XKR6: variants seen among roughly 807,000 people sequenced by gnomAD.
The protein encoded by XKR6 is XK related 6.
Under a neutral mutation model 56.7 loss-of-function variants are expected in XKR6, and 22 were observed. The observed-to-expected ratio is 0.39, with a 90% CI of 0.28 to 0.55. XKR6 has a LOEUF of 0.55. XKR6 is among the 20% of genes least tolerant of loss of function. XKR6 has a pLI of 0.66. For missense variants in XKR6, 852 were observed against 889.0 expected (o/e 0.96, Z 0.53); for synonymous variants, 524 against 387.8 (o/e 1.35, Z -4.13).
At chr8:10,915,532 A>G (rs1800536771) in intron 2 of XKR6, among the ~76,000 whole-genome samples, 1 of 151,998 alleles carries the variant, frequency 6.6e-6, no homozygotes, top group East Asian at 1.9e-4. Flanking sequence ...CTGCTTTAAG[A>G]ACCCTCCCTC....
rs531048092 is a variant in XKR6 at position 10,990,941 on chromosome 8, C to T, written c.765-66111G>A. Among the ~76,000 whole-genome samples the T allele has an allele frequency of 9.9e-4, 121 of 122,074 alleles. 1 individual carries two copies. Among genetic ancestry groups the T allele is most frequent in the African/African-American group, 3.9e-3 (117 of 29,834 alleles). The allele number at this position is 122,074 out of a possible 152,430, so 80.1% of individuals were successfully genotyped here. On this transcript the variant is annotated intron_variant, in intron 1 of 2. Coordinates refer to ENST00000416569, the MANE Select transcript of XKR6 (RefSeq NM_173683.4). ...TTTTCGAGACAGAGTCTCACTTGGT[C>T]ACCCAGGCTGGAGTGCAATGGCACG...
At chr8:11,067,927 T>C (rs1189209543) in intron 1 of XKR6, among the ~76,000 whole-genome samples, 1 of 152,252 alleles carries the variant, frequency 6.6e-6, no homozygotes, top group Non-Finnish European at 1.5e-5. Flanking sequence ...TGGGTAATGC[T>C]GTGACAGGAT....
chr8:11,099,736 C>A (rs1798396147), intron 1 of XKR6, among the ~76,000 whole-genome samples: 1 of 152,190 alleles, frequency 6.6e-6, no homozygotes, highest in Admixed American at 6.5e-5. Context: ...ACCAACAAAA[C>A]AAAGCCCCTG....
At chr8:10,939,677 C>T (rs184750967) in intron 1 of XKR6, among the ~76,000 whole-genome samples, 34 of 152,372 alleles carry the variant, frequency 2.2e-4, no homozygotes, top group African/African-American at 7.9e-4. Flanking sequence ...AAAGCTTCCC[C>T]TAAGTCGCTG....
At chr8:10,963,885 T>A (rs10094007) in intron 1 of XKR6, among the ~76,000 whole-genome samples, 14,332 of 152,268 alleles carry the variant, frequency 0.094, 1,347 homozygotes, top group African/African-American at 0.25. Flanking sequence ...GAACACTGCA[T>A]GAACTGGGGT....
chr8:11,032,843 C>T (rs956152439), intron 1 of XKR6, among the ~76,000 whole-genome samples: 2 of 152,192 alleles, frequency 1.3e-5, no homozygotes, highest in African/African-American at 4.8e-5. Context: ...GGTGTTGACA[C>T]TGGCCCTCCC....
At chr8:11,120,558 C>T (rs1380164100) in intron 1 of XKR6, among the ~76,000 whole-genome samples, 1 of 152,050 alleles carries the variant, frequency 6.6e-6, no homozygotes, top group Non-Finnish European at 1.5e-5. Context: ...AATGGAAGAA[C>T]ATTCCATGCT....
intron 1 of XKR6, chr8:11,107,971 C>CTA (rs757450997): frequency 9.8e-6 from 3 of 307,192 alleles, no homozygotes; most frequent in Non-Finnish European, 1.9e-5. Flanking sequence ...TCCATCTCTC[C>CTA]ACTCGGTCCC....
rs373223810 is a variant in XKR6 at position 11,058,221 on chromosome 8, T to C, written c.765-133391A>G. On this transcript the variant is annotated intron_variant, in intron 1 of 2. Coordinates refer to ENST00000416569, the MANE Select transcript of XKR6 (RefSeq NM_173683.4). ...GGGAGAGTGAATCTCCTGCAACATT[T>C]TTTTTCTCATTTTGAAAGGAATGTA... Among the ~76,000 whole-genome samples, 178 of 152,256 alleles carry C rather than the reference T, an allele frequency of 1.2e-3. 4 individuals carry two copies. Among genetic ancestry groups the C allele is most frequent in the African/African-American group, 4.2e-3 (174 of 41,530 alleles).
At chr8:10,976,254 C>G (rs1415575852) in intron 1 of XKR6, among the ~76,000 whole-genome samples, 1 of 152,122 alleles carries the variant, frequency 6.6e-6, no homozygotes, top group Non-Finnish European at 1.5e-5. Context: ...GCAGAAAAGT[C>G]TATTTGTTGA....
At chr8:11,069,315 C>T (rs1204579177) in intron 1 of XKR6, among the ~76,000 whole-genome samples, 1 of 152,116 alleles carries the variant, frequency 6.6e-6, no homozygotes, top group Non-Finnish European at 1.5e-5. Flanking sequence ...GGTTCTTTCT[C>T]AGTCTGAAGC....
intron 1 of XKR6, chr8:11,067,167 C>G (rs1025602579): frequency 6.6e-6 from 1 of 152,332 alleles, no homozygotes; most frequent in Non-Finnish European, 1.5e-5. Context: ...GAATGTCTGA[C>G]GCGGGCATCT....
intron 1 of XKR6, among the ~76,000 whole-genome samples, chr8:11,185,630 G>A (rs1803234744): frequency 6.6e-6 from 1 of 152,198 alleles, no homozygotes; most frequent in Non-Finnish European, 1.5e-5. Context: ...AGTCTCCAAT[G>A]ATGGGACATG....
chr8:11,185,967 T>C lies in XKR6; in HGVS notation c.764+14609A>G, dbSNP rs114157757. On this transcript the variant is annotated intron_variant, in intron 1 of 2. Coordinates refer to ENST00000416569, the MANE Select transcript of XKR6 (RefSeq NM_173683.4). ...GGAAACAGGGCTTGGGCTATTTCTGTACCACCCTCAGACTAAGAATGCTTT... is the reference window on the plus strand; with the variant it reads ...GGAAACAGGGCTTGGGCTATTTCTGCACCACCCTCAGACTAAGAATGCTTT... Among the ~76,000 whole-genome samples, 844 of 152,350 alleles carry C rather than the reference T, an allele frequency of 5.5e-3. 15 individuals are homozygous for C. The highest frequency in any genetic ancestry group is 0.02 in the African/African-American group (824 of 41,576).
intron 1 of XKR6, among the ~76,000 whole-genome samples, chr8:11,130,482 A>G (rs903505235): frequency 3.9e-5 from 6 of 152,184 alleles, no homozygotes; most frequent in African/African-American, 1.2e-4. Context: ...AGACAGTGCA[A>G]TGGACAAAAA....
chr8:11,171,880 C>G (rs1802390264), intron 1 of XKR6, among the ~76,000 whole-genome samples: 1 of 151,538 alleles, frequency 6.6e-6, no homozygotes. Flanking sequence ...TGGTGAAACC[C>G]CATCTCTACC....
At chr8:10,997,022 T>G (rs772512542) in intron 1 of XKR6, among the ~76,000 whole-genome samples, 3 of 152,138 alleles carry the variant, frequency 2.0e-5, no homozygotes, top group African/African-American at 2.4e-5. Context: ...ACTCTGCCCC[T>G]CTCCCACATC....
chr8:11,121,994 T>A (rs1389351924), intron 1 of XKR6, among the ~76,000 whole-genome samples: 1 of 152,148 alleles, frequency 6.6e-6, no homozygotes, highest in Non-Finnish European at 1.5e-5. Context: ...ATAAGAACAC[T>A]TGGATACAGG....
At chr8:11,101,410 G>A (rs552083917) in intron 1 of XKR6, among the ~76,000 whole-genome samples, 14 of 152,312 alleles carry the variant, frequency 9.2e-5, no homozygotes, top group South Asian at 4.1e-4. Flanking sequence ...AATGAATGGA[G>A]TATTAGCAGC....
Sources: allele counts gnomAD v4.1 joint callset (sites outside exome capture counted in the v4.1 genomes callset), GRCh38; gene constraint gnomAD v4.1.1; transcripts MANE v1.5; gene names NCBI Gene and HGNC (gene_info 2026-07-23, HGNC 2026-07-21).